Variants in PPARGC1A observed in about 807,000 individuals in gnomAD.
PPARGC1A encodes the protein peroxisome proliferator-activated receptor gamma coactivator 1-alpha.
Under a neutral mutation model 88.7 loss-of-function variants are expected in PPARGC1A, and 25 were observed. The observed-to-expected ratio is 0.28, with a 90% CI of 0.21 to 0.39. The LOEUF (loss-of-function observed/expected upper bound fraction) is 0.39. Among genes scored for constraint, PPARGC1A ranks in the 10% least tolerant of loss-of-function variants. PPARGC1A has a pLI of 1.00. For missense variants in PPARGC1A, 880 were observed against 968.7 expected, an observed-to-expected ratio of 0.91 and a Z score of 1.22; for synonymous variants, 363 against 355.6, an observed-to-expected ratio of 1.02 and a Z score of -0.24.
the PPARGC1A span, among the ~76,000 whole-genome samples, chr4:24,408,356 G>GA: frequency 0.031 from 4,093 of 132,048 alleles, 177 homozygotes; most frequent in African/African-American, 0.1. Flanking sequence ...ATACTGCTTT[G>GA]AAAAAAAAAA....
the PPARGC1A span, among the ~76,000 whole-genome samples, chr4:24,112,896 C>T: frequency 5.9e-5 from 9 of 152,128 alleles, no homozygotes; most frequent in Admixed American, 2.6e-4. Context: ...TCACTGGCAG[C>T]TATGGGAAGC....
At chr4:23,818,968 T>A (rs1284471252) in intron 7 of PPARGC1A, among the ~76,000 whole-genome samples, 1 of 150,600 alleles carries the variant, frequency 6.6e-6, no homozygotes, top group African/African-American at 2.4e-5. Context: ...CCAATTCAGG[T>A]ATTTAAGAAA....
the PPARGC1A span, among the ~76,000 whole-genome samples, chr4:24,053,742 C>T: frequency 6.6e-6 from 1 of 152,212 alleles, no homozygotes; most frequent in Non-Finnish European, 1.5e-5. Flanking sequence ...GATCAAGCCT[C>T]AGGTTAGTTG....
upstream of PPARGC1A, among the ~76,000 whole-genome samples, chr4:23,907,537 C>T (rs1195747579): frequency 2.0e-5 from 3 of 152,148 alleles, no homozygotes; most frequent in Non-Finnish European, 4.4e-5. Flanking sequence ...CACTTCAGTA[C>T]ACCCTACCTC....
At chr4:23,912,432 T>C in the PPARGC1A span, among the ~76,000 whole-genome samples, 1 of 152,192 alleles carries the variant, frequency 6.6e-6, no homozygotes, top group East Asian at 1.9e-4. Context: ...TTCTTAATCA[T>C]GTGTGTCAAT....
At chr4:24,354,905 C>A in the PPARGC1A span, among the ~76,000 whole-genome samples, 1 of 151,452 alleles carries the variant, frequency 6.6e-6, no homozygotes, top group Non-Finnish European at 1.5e-5. Context: ...AACAAACAAA[C>A]AAAAAACAGA....
At chr4:24,363,269 G>C in the PPARGC1A span, among the ~76,000 whole-genome samples, 1 of 147,108 alleles carries the variant, frequency 6.8e-6, no homozygotes, top group Non-Finnish European at 1.5e-5. Context: ...TTTATTCAGA[G>C]ATCAGGCTCA....
At chr4:24,080,114 A>G in the PPARGC1A span, among the ~76,000 whole-genome samples, 2 of 152,094 alleles carry the variant, frequency 1.3e-5, no homozygotes, top group Non-Finnish European at 1.5e-5. Flanking sequence ...TTAGAATTGC[A>G]TTAAATATGT....
At chr4:24,365,398 A>G in the PPARGC1A span, among the ~76,000 whole-genome samples, 19 of 152,212 alleles carry the variant, frequency 1.2e-4, no homozygotes, top group Admixed American at 1.1e-3. Flanking sequence ...GGAAAATTCC[A>G]AAATTGAAAC....
the PPARGC1A span, among the ~76,000 whole-genome samples, chr4:24,176,726 T>C: frequency 1.3e-5 from 2 of 151,620 alleles, no homozygotes; most frequent in African/African-American, 4.8e-5. Context: ...ATAATAATAA[T>C]ACCAGCTCAG....
the PPARGC1A span, among the ~76,000 whole-genome samples, chr4:24,214,013 G>A: frequency 3.9e-5 from 6 of 152,326 alleles, no homozygotes; most frequent in South Asian, 1.2e-3. Flanking sequence ...AGTTCACTGA[G>A]CGCTGTAGCG....
the PPARGC1A span, among the ~76,000 whole-genome samples, chr4:24,255,604 A>G: frequency 1.3e-5 from 2 of 152,214 alleles, no homozygotes; most frequent in African/African-American, 4.8e-5. Context: ...CTTGCTGATG[A>G]GAAGCTATAC....
At chr4:23,831,862 C>G in intron 2 of PPARGC1A, 111 bp from the exon 3 acceptor site, 1 of 833,604 alleles carries the variant, frequency 1.2e-6, no homozygotes, top group Non-Finnish European at 1.9e-6. Flanking sequence ...TCTAGAATGC[C>G]CATTCCAGAA....
At chr4:24,231,902 T>C in the PPARGC1A span, among the ~76,000 whole-genome samples, 1 of 152,188 alleles carries the variant, frequency 6.6e-6, no homozygotes, top group Admixed American at 6.5e-5. Flanking sequence ...AAGTAACAAC[T>C]ATTCTAGCAA....
In PPARGC1A at chr4:23,813,024, G is replaced by A; in HGVS notation, c.1895C>T (p.Pro632Leu). The change falls in exon 9 of 13, where the codon CCC becomes CTC. Residue 632 changes from proline to leucine, a missense_variant. Pro to Leu is a moderately conservative substitution (Grantham distance 98). Transcript: ENST00000264867. ...SRSRSPYSRR[P>L]RYDSYEEYQH... The stretch of plus-strand genomic sequence containing the variant: ...GGAAAATGACATGCCTCATTACCTG[G>A]GCCGACGGCTGTAGGGCGATCTTGA... 1.9e-6 allele frequency: 3 copies of A among 1,613,954 alleles called. No homozygotes were observed. The highest frequency in any genetic ancestry group is 2.5e-6 in the Non-Finnish European group (3 of 1,179,894).
chr4:24,362,819 C>A, the PPARGC1A span, among the ~76,000 whole-genome samples: 2 of 152,114 alleles, frequency 1.3e-5, no homozygotes, highest in Non-Finnish European at 2.9e-5. Context: ...GCAGAAGGAC[C>A]AAGAGCATAT....
chr4:24,322,911 C>T, the PPARGC1A span, among the ~76,000 whole-genome samples: 1 of 152,228 alleles, frequency 6.6e-6, no homozygotes, highest in African/African-American at 2.4e-5. Flanking sequence ...ATAGCAACTT[C>T]ATCACGTGTA....
At chr4:23,986,329 T>G in the PPARGC1A span, among the ~76,000 whole-genome samples, 1 of 152,124 alleles carries the variant, frequency 6.6e-6, no homozygotes, top group Admixed American at 6.6e-5. Context: ...CGTGGCATTC[T>G]TCATCAATTA....
At chr4:24,286,895 C>T in the PPARGC1A span, among the ~76,000 whole-genome samples, 1 of 152,036 alleles carries the variant, frequency 6.6e-6, no homozygotes, top group African/African-American at 2.4e-5. Flanking sequence ...GGATCTACTC[C>T]CAAGCTTCCT....
Sources: allele counts gnomAD v4.1 joint callset (sites outside exome capture counted in the v4.1 genomes callset), GRCh38; gene constraint gnomAD v4.1.1; transcripts MANE v1.5; gene names NCBI Gene and HGNC (gene_info 2026-07-23, HGNC 2026-07-21).